Variants in SPMIP2 observed in about 807,000 individuals in gnomAD.
SPMIP2 encodes the protein sperm microtubule inner protein 2.
At chr4:159,067,665 T>C in the SPMIP2 span, among the ~76,000 whole-genome samples, 2 of 152,174 alleles carry the variant, frequency 1.3e-5, no homozygotes, top group Non-Finnish European at 2.9e-5. Flanking sequence ...AAATGGGATC[T>C]AATTAAACTA....
the SPMIP2 span, among the ~76,000 whole-genome samples, chr4:159,052,435 A>G: frequency 6.6e-6 from 1 of 152,030 alleles, no homozygotes; most frequent in Non-Finnish European, 1.5e-5. Context: ...ACACGGTAAA[A>G]AAGATTTATC....
At chr4:159,003,153 C>T in the SPMIP2 span, among the ~76,000 whole-genome samples, 7 of 152,144 alleles carry the variant, frequency 4.6e-5, no homozygotes, top group Non-Finnish European at 8.8e-5. Context: ...GCCCTGTGAC[C>T]TTTCATTCAG....
At chr4:159,053,012 A>G in the SPMIP2 span, among the ~76,000 whole-genome samples, 5 of 134,940 alleles carry the variant, frequency 3.7e-5, no homozygotes, top group Non-Finnish European at 7.8e-5. Flanking sequence ...GCTGGAGTGC[A>G]GTGGCGGGAT....
the SPMIP2 span, among the ~76,000 whole-genome samples, chr4:159,082,658 CA>C: frequency 6.6e-6 from 1 of 152,094 alleles, no homozygotes; most frequent in Non-Finnish European, 1.5e-5. Flanking sequence ...AAAAGATGCT[CA>C]ATTACTTTTT....
At chr4:158,988,998 C>T in the SPMIP2 span, among the ~76,000 whole-genome samples, 5 of 152,094 alleles carry the variant, frequency 3.3e-5, no homozygotes, top group African/African-American at 1.2e-4. Flanking sequence ...CAGTCTCAGC[C>T]CAAAATCTCC....
chr4:158,968,571 C>T, the SPMIP2 span, among the ~76,000 whole-genome samples: 4 of 152,166 alleles, frequency 2.6e-5, no homozygotes, highest in Admixed American at 6.6e-5. Context: ...TTCATACATC[C>T]TGTATTCCTC....
chr4:158,971,943 G>A, the SPMIP2 span, among the ~76,000 whole-genome samples: 272 of 152,276 alleles, frequency 1.8e-3, 1 homozygote, highest in African/African-American at 5.7e-3. Flanking sequence ...TAGAAGAGGC[G>A]CAAACAAAGA....
chr4:158,961,481 T>C, the SPMIP2 span, among the ~76,000 whole-genome samples: 1 of 152,156 alleles, frequency 6.6e-6, no homozygotes, highest in African/African-American at 2.4e-5. Context: ...ATAATCTGCA[T>C]ATAATAGAAA....
the SPMIP2 span, among the ~76,000 whole-genome samples, chr4:158,944,940 C>T: frequency 6.6e-6 from 1 of 152,110 alleles, no homozygotes; most frequent in African/African-American, 2.4e-5. Flanking sequence ...CTGCCCTTGT[C>T]GCTTTGGGTA....
the SPMIP2 span, among the ~76,000 whole-genome samples, chr4:158,963,286 GTTTTTT>G: frequency 6.6e-6 from 1 of 151,004 alleles, no homozygotes; most frequent in African/African-American, 2.4e-5. Context: ...AGGTAGTTTT[GTTTTTT>G]TTTTGTTTGT....
chr4:158,916,943 G>C, the SPMIP2 span, among the ~76,000 whole-genome samples: 3 of 151,298 alleles, frequency 2.0e-5, no homozygotes, highest in African/African-American at 7.3e-5. Context: ...CACCCAGCCT[G>C]TCTGCTTTCT....
the SPMIP2 span, among the ~76,000 whole-genome samples, chr4:158,974,369 TAC>T: frequency 6.6e-6 from 1 of 152,178 alleles, no homozygotes; most frequent in African/African-American, 2.4e-5. Context: ...GCAGATTTGT[TAC>T]ATAGGTATAC....
the SPMIP2 span, among the ~76,000 whole-genome samples, chr4:159,078,488 T>G: frequency 6.6e-6 from 1 of 152,206 alleles, no homozygotes; most frequent in African/African-American, 2.4e-5. Flanking sequence ...GCTTCAAGAC[T>G]TCCTCTACTC....
the SPMIP2 span, among the ~76,000 whole-genome samples, chr4:159,017,501 GGT>G: frequency 1.3e-5 from 2 of 151,920 alleles, no homozygotes; most frequent in Non-Finnish European, 2.9e-5. Context: ...AGAGTGCAGT[GGT>G]GCAATCATAG....
At chr4:159,064,129 TG>T in the SPMIP2 span, among the ~76,000 whole-genome samples, 1 of 152,138 alleles carries the variant, frequency 6.6e-6, no homozygotes, top group African/African-American at 2.4e-5. Context: ...GAGAATCACT[TG>T]AAGCCAGGAG....
At chr4:158,949,848 A>T in the SPMIP2 span, among the ~76,000 whole-genome samples, 1 of 152,236 alleles carries the variant, frequency 6.6e-6, no homozygotes, top group African/African-American at 2.4e-5. Context: ...GTTATATATG[A>T]TCTTGCTTCT....
chr4:158,993,099 C>T, the SPMIP2 span, among the ~76,000 whole-genome samples: 1 of 152,038 alleles, frequency 6.6e-6, no homozygotes, highest in Non-Finnish European at 1.5e-5. Flanking sequence ...AAGGGCTGGG[C>T]ATGGTGTGTC....
the SPMIP2 span, among the ~76,000 whole-genome samples, chr4:158,969,387 A>C: frequency 6.6e-6 from 1 of 152,000 alleles, no homozygotes; most frequent in Admixed American, 6.6e-5. Context: ...TAAAGACCAA[A>C]TCCATTTTTT....
chr4:159,063,590 A>C, the SPMIP2 span, among the ~76,000 whole-genome samples: 1 of 150,716 alleles, frequency 6.6e-6, no homozygotes, highest in South Asian at 2.1e-4. Flanking sequence ...AAAATAAAAC[A>C]ATCTTTAAGA....
Sources: gnomAD v4.1 joint callset for allele counts (sites outside exome capture counted in the v4.1 genomes callset) on GRCh38, gnomAD v4.1.1 for gene constraint, MANE v1.5 for transcripts, NCBI Gene and HGNC (gene_info 2026-07-23, HGNC 2026-07-21) for gene names.